The following PAPSS1 variants were observed in gnomAD, a reference collection of about 807,000 sequenced individuals.
The protein encoded by PAPSS1 is 3'-phosphoadenosine 5'-phosphosulfate synthase 1.
Under a neutral mutation model 72.0 loss-of-function variants are expected in PAPSS1, and 50 were observed. The ratio of observed to expected loss-of-function variants is 0.69; its 90% CI spans 0.55 to 0.88. The LOEUF (loss-of-function observed/expected upper bound fraction) is 0.88, where lower values mean the gene tolerates loss of function less well. Among genes scored for constraint, PAPSS1 ranks in the 40% least tolerant of loss-of-function variants. The probability of loss-of-function intolerance (pLI) is 0.00; values close to 1 mark genes in which losing one functional copy is unlikely to be tolerated. For synonymous variants in PAPSS1, 261 were observed against 263.6 expected, an observed-to-expected ratio of 0.99 and a Z score of 0.09; for missense variants, 657 against 782.2, an observed-to-expected ratio of 0.84 and a Z score of 1.91.
intron 1 of PAPSS1, among the ~76,000 whole-genome samples, chr4:107,702,686 A>G (rs1723235791): frequency 6.6e-6 from 1 of 152,194 alleles, no homozygotes; most frequent in South Asian, 2.1e-4. Context: ...GATTTGTATA[A>G]TTTTTAAGAC....
chr4:107,642,417 A>G (rs1726572635), intron 10 of PAPSS1, among the ~76,000 whole-genome samples: 1 of 152,162 alleles, frequency 6.6e-6, no homozygotes, highest in Non-Finnish European at 1.5e-5. Context: ...TCACCTGTGA[A>G]CTGTGAATAA....
At chr4:107,681,935 C>T in intron 5 of PAPSS1, 80 bp downstream of exon 5, 1 of 727,256 alleles carries the variant, frequency 1.4e-6, no homozygotes, top group Non-Finnish European at 2.4e-6. Flanking sequence ...ATATTAACAC[C>T]ACCATTTTTT....
chr4:107,682,061 T>C lies in PAPSS1; in HGVS notation c.623A>G (p.Asp208Gly), dbSNP rs771525001. The C allele has an allele frequency of 6.2e-7, 1 of 1,611,132 alleles. No homozygotes were observed. Among genetic ancestry groups the C allele is most frequent in the Admixed American group, 1.7e-5 (1 of 59,904 alleles). Residue 208 changes from aspartate to glycine, a missense_variant, in exon 5 of 12, where the codon GAT (aspartate) becomes GGT (glycine). Coordinates refer to ENST00000265174, the MANE Select transcript of PAPSS1 (RefSeq NM_005443.5). ...PELVLKTDSC[D>G]VNDCVQQVVE... Reference sequence around the variant, plus strand: ...AACTTGCTGGACACAGTCATTTACATCACAGGAGTCTGTTTTCAGCACCAA... The same window carrying C: ...AACTTGCTGGACACAGTCATTTACACCACAGGAGTCTGTTTTCAGCACCAA...
rs771901086 is a variant in PAPSS1, at chr4:107,654,745, G to A, written c.1051C>T (p.Arg351Cys). The A allele has an allele frequency of 6.8e-6, 11 of 1,613,590 alleles. No individual in the cohort carries two copies. The highest frequency in any genetic ancestry group is 4.4e-5 in the South Asian group (4 of 91,052). ...PEFFEHRKEE[R>C]CARQWGTTCK... Reference sequence around the variant, plus strand: ...GTCGTTCCCCACTGTCTGGCACAGCGCTCCTCTTTCCTGTGCTCAAAAAAC... The same window carrying A: ...GTCGTTCCCCACTGTCTGGCACAGCACTCCTCTTTCCTGTGCTCAAAAAAC... Residue 351 changes from arginine (R) to cysteine (C), a missense_variant, in exon 8 of 12, where the codon CGC becomes TGC. Around this residue, in one of 7 missense-constraint regions of PAPSS1, gnomAD observed 190 missense variants for 176.7 expected, o/e 1.07. Coordinates refer to ENST00000265174, the MANE Select transcript of PAPSS1 (RefSeq NM_005443.5).
intron 11 of PAPSS1, among the ~76,000 whole-genome samples, chr4:107,625,723 A>G (rs1256248220): frequency 6.6e-6 from 1 of 152,172 alleles, no homozygotes; most frequent in African/African-American, 2.4e-5. Context: ...GCAACAACGA[A>G]AAACTAATAC....
chr4:107,709,051 TCTACCATGCAG>T (rs1460058944), intron 1 of PAPSS1, among the ~76,000 whole-genome samples: 1 of 152,232 alleles, frequency 6.6e-6, no homozygotes, highest in African/African-American at 2.4e-5. Flanking sequence ...CCATAAATCT[TCTACCATGCAG>T]CTGCACTGGA....
chr4:107,653,737 G>A, intron 8 of PAPSS1, 111 bp from the exon 9 acceptor site: 3 of 716,176 alleles, frequency 4.2e-6, no homozygotes, highest in African/African-American at 1.8e-5. Flanking sequence ...TCTTAAATGA[G>A]GTAAATCTGA....
chr4:107,659,320 T>C (rs1287490564), intron 6 of PAPSS1, among the ~76,000 whole-genome samples: 1 of 152,256 alleles, frequency 6.6e-6, no homozygotes, highest in Non-Finnish European at 1.5e-5. Context: ...TGGCACTTCC[T>C]TGGGTATTTT....
At chr4:107,623,814 G>A (rs767685721) in intron 11 of PAPSS1, among the ~76,000 whole-genome samples, 1 of 152,164 alleles carries the variant, frequency 6.6e-6, no homozygotes, top group African/African-American at 2.4e-5. Context: ...CAGCTTCAAC[G>A]CTCAGCTTAT....
At chr4:107,643,154 G>A (rs1726596214) in intron 10 of PAPSS1, among the ~76,000 whole-genome samples, 1 of 152,126 alleles carries the variant, frequency 6.6e-6, no homozygotes, top group African/African-American at 2.4e-5. Flanking sequence ...AGTGAAAGAA[G>A]CCAGACACGA....
At chr4:107,621,039 A>C (rs1725941177) in intron 11 of PAPSS1, among the ~76,000 whole-genome samples, 1 of 152,176 alleles carries the variant, frequency 6.6e-6, no homozygotes, top group African/African-American at 2.4e-5. Context: ...GTGGCATCTG[A>C]TGGTACAGAT....
intron 1 of PAPSS1, among the ~76,000 whole-genome samples, chr4:107,703,054 T>C (rs1723244593): frequency 6.6e-6 from 1 of 152,250 alleles, no homozygotes; most frequent in Non-Finnish European, 1.5e-5. Context: ...TGTGAGGTGA[T>C]AGCTCACTGT....
chr4:107,645,163 G>T (rs1179485076), intron 9 of PAPSS1, 93 bp from the exon 10 acceptor site: 2 of 931,358 alleles, frequency 2.1e-6, no homozygotes, highest in Non-Finnish European at 3.0e-6. Context: ...TGATACTTAG[G>T]ATTAAGCAAA....
intron 10 of PAPSS1, among the ~76,000 whole-genome samples, chr4:107,638,314 T>C (rs1196085587): frequency 1.3e-5 from 2 of 152,166 alleles, no homozygotes; most frequent in East Asian, 3.8e-4. Flanking sequence ...TGAAAGGCAG[T>C]CTACATCATG....
chr4:107,716,405 G>A (rs1723639969), intron 1 of PAPSS1, among the ~76,000 whole-genome samples: 1 of 152,214 alleles, frequency 6.6e-6, no homozygotes, highest in Non-Finnish European at 1.5e-5. Flanking sequence ...TTGGGCTGGA[G>A]CTATGGAAAT....
chr4:107,650,422 TG>T (rs1193687421), intron 9 of PAPSS1, among the ~76,000 whole-genome samples: 3 of 151,998 alleles, frequency 2.0e-5, no homozygotes, highest in Non-Finnish European at 4.4e-5. Flanking sequence ...CAAAGAAGAG[TG>T]AAAAACAGAT....
intron 5 of PAPSS1, among the ~76,000 whole-genome samples, chr4:107,678,463 G>T (rs1727719366): frequency 1.3e-5 from 2 of 151,998 alleles, no homozygotes; most frequent in South Asian, 4.1e-4. Context: ...GAGCTGAGGT[G>T]AAAAAAAGCA....
chr4:107,664,265 C>G (rs1727260634), intron 5 of PAPSS1, among the ~76,000 whole-genome samples: 1 of 152,144 alleles, frequency 6.6e-6, no homozygotes, highest in African/African-American at 2.4e-5. Flanking sequence ...GATGGGATAT[C>G]TTTTTGTATG....
intron 5 of PAPSS1, among the ~76,000 whole-genome samples, chr4:107,661,010 A>G (rs1035844200): frequency 1.3e-5 from 2 of 152,242 alleles, no homozygotes; most frequent in African/African-American, 4.8e-5. Flanking sequence ...AAAACTCACC[A>G]ATAAGAAAAT....
Sources: gnomAD v4.1 joint callset for allele counts (sites outside exome capture counted in the v4.1 genomes callset) on GRCh38, gnomAD v4.1.1 for gene constraint, gnomAD v4.1.1 regional missense constraint, MANE v1.5 for transcripts, NCBI Gene and HGNC (gene_info 2026-07-23, HGNC 2026-07-21) for gene names.